The following LMAN1 variants were observed in gnomAD, a reference collection of about 807,000 sequenced individuals.
LMAN1 encodes the protein lectin, mannose binding 1.
A neutral mutation model predicts 67.8 loss-of-function variants in LMAN1; 32 were observed. That is an observed-to-expected ratio of 0.47 (90% CI 0.36 to 0.63). LMAN1 has a LOEUF of 0.63. Ranked by LOEUF, LMAN1 falls within the 30% of genes least tolerant of loss-of-function variation. LMAN1 has a pLI of 0.00. For synonymous variants in LMAN1, 235 were observed against 219.3 expected, an observed-to-expected ratio of 1.07 and a Z score of -0.63; for missense variants, 632 against 628.2, an observed-to-expected ratio of 1.01 and a Z score of -0.06.
intron 10 of LMAN1, among the ~76,000 whole-genome samples, chr18:59,336,795 G>T (rs1393394973): frequency 6.6e-6 from 1 of 151,896 alleles, no homozygotes; most frequent in Non-Finnish European, 1.5e-5. Flanking sequence ...GAGATGGGAG[G>T]ATCATTTGAG....
chr18:59,345,860 C>A (rs1215504833), intron 8 of LMAN1, 59 bp downstream of exon 8: 13 of 1,604,236 alleles, frequency 8.1e-6, no homozygotes, highest in African/African-American at 1.3e-5. Flanking sequence ...ACTCAAGCGT[C>A]CATGATCAAC....
intron 10 of LMAN1, among the ~76,000 whole-genome samples, chr18:59,338,281 C>T (rs557952304): frequency 1.2e-4 from 18 of 152,172 alleles, no homozygotes; most frequent in African/African-American, 4.1e-4. Flanking sequence ...AATATAAGAA[C>T]ACACCTGGCT....
chr18:59,337,692 T>C (rs893302130), intron 10 of LMAN1, among the ~76,000 whole-genome samples: 4 of 152,246 alleles, frequency 2.6e-5, no homozygotes, highest in African/African-American at 9.6e-5. Context: ...TCTAGCATCA[T>C]AAATATTTCA....
rs1461774543 is a variant in LMAN1 at position 59,355,632 on chromosome 18, G to A, written c.241C>T (p.Arg81Ter). 1.2e-6 allele frequency: 2 copies of A among 1,613,922 alleles called. No homozygotes were observed. The highest frequency in any genetic ancestry group is 1.7e-6 in the Non-Finnish European group (2 of 1,179,924). The change falls in exon 2 of 13, where the codon CGA (arginine) becomes TGA (stop). Residue 81 changes from arginine (R) to a stop codon, truncating the protein, a stop_gained. Transcript: ENST00000251047. LOFTEE classifies it high-confidence loss of function. Reference protein sequence around the residue: ...GNAIPSSDQIRVAPSLKSQRG... With the variant: ...GNAIPSSDQI ...TGGCTTTTTAAAGATGGTGCTACTC[G>A]AATTTGATCTGAACTTGGAATAGCA... is the stretch of plus-strand genomic sequence containing the variant.
At chr18:59,355,271 T>C (rs1234437909) in intron 3 of LMAN1, 42 bp downstream of exon 3, 4 of 1,397,580 alleles carry the variant, frequency 2.9e-6, no homozygotes, top group Non-Finnish European at 4.0e-6. Flanking sequence ...ACTCTGTTGA[T>C]AGATGTATTA....
intron 1 of LMAN1, among the ~76,000 whole-genome samples, chr18:59,356,042 C>A (rs2144233944): frequency 6.6e-6 from 1 of 152,242 alleles, no homozygotes; most frequent in African/African-American, 2.4e-5. Context: ...AAAGAACATA[C>A]CACTAGGAAT....
chr18:59,352,268 AAATAG>A (rs1203987189), intron 5 of LMAN1, among the ~76,000 whole-genome samples: 1 of 152,154 alleles, frequency 6.6e-6, no homozygotes, highest in Non-Finnish European at 1.5e-5. Flanking sequence ...CTTTGCTAGT[AAATAG>A]TACCAATTAG....
chr18:59,349,029 A>G, intron 6 of LMAN1, 84 bp downstream of exon 6: 1 of 1,504,104 alleles, frequency 6.6e-7, no homozygotes, highest in Non-Finnish European at 9.3e-7. Flanking sequence ...TTATTAGTAT[A>G]AACAAGTCTA....
Position 59,338,830 on chromosome 18 carries a change from C to T in LMAN1, c.1079G>A (p.Arg360Lys). 6.2e-7 allele frequency: 1 copy of T among 1,614,038 alleles called. No homozygotes were observed. Among genetic ancestry groups the T allele is most frequent in the South Asian group, 1.1e-5 (1 of 91,084 alleles). The change falls in exon 9 of 13, where the codon AGA (arginine) becomes AAA (lysine). Residue 360 changes from arginine to lysine, a missense_variant. Coordinates refer to ENST00000251047, the MANE Select transcript of LMAN1 (RefSeq NM_005570.4). The part of the protein sequence containing the change: ...RQLDMILDEQ[R>K]RYVSSLTEEI... Reference sequence around the variant, plus strand: ...CTCTGTTAAGGAAGAGACATATCTTCTCTGTTCATCAAGAATCATATCTAA... The same window carrying T: ...CTCTGTTAAGGAAGAGACATATCTTTTCTGTTCATCAAGAATCATATCTAA...
chr18:59,330,993 A>G lies in LMAN1; in HGVS notation c.*100T>C, dbSNP rs1763190893. 1 of 803,206 alleles carries G rather than the reference A, an allele frequency of 1.2e-6. No homozygotes were observed. Among genetic ancestry groups the G allele is most frequent in the African/African-American group, 1.8e-5 (1 of 56,596 alleles). The allele number at this position is 803,206 out of a possible 1,614,324, so 49.8% of individuals were successfully genotyped here. A position where few individuals can be genotyped will look rare whatever the true frequency, so the allele number is the denominator to read the frequency against. On this transcript the variant is annotated 3_prime_UTR_variant, in exon 13 of 13. Transcript: ENST00000251047. ...TGTTTAAACAGTTATTTTATTAAGA[A>G]AATTAATAATTTAGACTATGAAGCA... is the stretch of plus-strand genomic sequence containing the variant.
At chr18:59,345,099 TA>T (rs1343144059) in intron 8 of LMAN1, among the ~76,000 whole-genome samples, 3 of 152,246 alleles carry the variant, frequency 2.0e-5, no homozygotes, top group Non-Finnish European at 4.4e-5. Context: ...TGATGATGTT[TA>T]AAACAAATTC....
Position 59,331,072 on chromosome 18 carries a change from A to C in LMAN1, c.*21T>G, listed in dbSNP as rs2298713. ...ACATCATTTTGTACACAAATAGATG[A>C]AGTACACAGGAAAATGGTAGTCAAA... is the stretch of plus-strand genomic sequence containing the variant. On this transcript the variant is annotated 3_prime_UTR_variant, in exon 13 of 13. Transcript: ENST00000251047. 47 of 1,569,546 alleles carry C rather than the reference A, an allele frequency of 3.0e-5. No individual in the cohort carries two copies. The East Asian group carries it at 1.1e-3, about 35-fold the overall frequency.
At chr18:59,332,693 A>G (rs2144208542) in intron 11 of LMAN1, among the ~76,000 whole-genome samples, 1 of 152,318 alleles carries the variant, frequency 6.6e-6, no homozygotes, top group East Asian at 1.9e-4. Context: ...ATCTAATCCA[A>G]TCCAAGCACA....
chr18:59,332,889 T>C (rs549363639), intron 11 of LMAN1, among the ~76,000 whole-genome samples: 66 of 152,248 alleles, frequency 4.3e-4, no homozygotes, highest in African/African-American at 1.6e-3. Context: ...TAAAAAACCA[T>C]GACTGCTATG....
chr18:59,337,093 A>G, intron 10 of LMAN1, among the ~76,000 whole-genome samples: 1 of 150,664 alleles, frequency 6.6e-6, no homozygotes, highest in East Asian at 1.9e-4. Flanking sequence ...TAGAGATAGC[A>G]ATAGGAAACC....
intron 8 of LMAN1, among the ~76,000 whole-genome samples, chr18:59,343,827 A>G (rs1347150277): frequency 6.6e-6 from 1 of 152,172 alleles, no homozygotes; most frequent in African/African-American, 2.4e-5. Flanking sequence ...GCTTCTACAC[A>G]GCAAAAGAAA....
chr18:59,356,372 C>G lies in LMAN1; in HGVS notation c.215-714G>C, dbSNP rs532426823. Among the ~76,000 whole-genome samples, 44 of 152,284 alleles carry G rather than the reference C, an allele frequency of 2.9e-4. 1 individual carries two copies. The highest frequency in any genetic ancestry group is 1.1e-3 in the African/African-American group (44 of 41,560). ...AGCTGTTTGATCTGTAGGCAAGTTA[C>G]TCCATTTCTTGAACAGCCTCATAGG... is the stretch of plus-strand genomic sequence containing the variant. On this transcript the variant is annotated intron_variant, in intron 1 of 12. Transcript: ENST00000251047.
At chr18:59,352,479 G>A (rs2144229888) in intron 5 of LMAN1, among the ~76,000 whole-genome samples, 1 of 152,302 alleles carries the variant, frequency 6.6e-6, no homozygotes, top group Non-Finnish European at 1.5e-5. Context: ...AGGAAGCTGT[G>A]CAAGGCCTGT....
Position 59,330,512 on chromosome 18 carries a change from T to C in LMAN1, c.*581A>G, listed in dbSNP as rs963986859. On this transcript the variant is annotated 3_prime_UTR_variant, in exon 13 of 13. Transcript: ENST00000251047. ...CTTTAAAAGTGAAATATATCATTGATAAATAGAGGAAAAAAAAATTTCACT... is the reference window on the plus strand; with the variant it reads ...CTTTAAAAGTGAAATATATCATTGACAAATAGAGGAAAAAAAAATTTCACT... 2.0e-5 allele frequency: 3 copies of C among 152,534 alleles called. No individual in the cohort carries two copies. The highest frequency in any genetic ancestry group is 7.2e-5 in the African/African-American group (3 of 41,422). The allele number at this position is 152,534 out of a possible 1,614,324, so 9.4% of individuals were successfully genotyped here. A position where few individuals can be genotyped will look rare whatever the true frequency, so the allele number is the denominator to read the frequency against.
Sources: allele counts gnomAD v4.1 joint callset (sites outside exome capture counted in the v4.1 genomes callset), GRCh38; gene constraint gnomAD v4.1.1; transcripts MANE v1.5; gene names NCBI Gene and HGNC (gene_info 2026-07-23, HGNC 2026-07-21).